NTRK3: variants seen among roughly 807,000 people sequenced by gnomAD.
The protein encoded by NTRK3 is neurotrophic receptor tyrosine kinase 3, also known as NT-3 growth factor receptor.
A neutral mutation model predicts 91.7 loss-of-function variants in NTRK3; 24 were observed. The ratio of observed to expected loss-of-function variants is 0.26; its 90% confidence interval spans 0.19 to 0.37. The LOEUF (loss-of-function observed/expected upper bound fraction) is 0.37, where lower values mean the gene tolerates loss of function less well. Among genes scored for constraint, NTRK3 ranks in the 10% least tolerant of loss-of-function variants. NTRK3 has a pLI of 1.00. For missense variants in NTRK3, 880 were observed against 1,068.9 expected, an observed-to-expected ratio of 0.82 and a Z score of 2.46; for synonymous variants, 483 against 404.0, an observed-to-expected ratio of 1.20 and a Z score of -2.34.
chr15:87,890,742 T>G (rs935165577), intron 17 of NTRK3, among the ~76,000 whole-genome samples: 1 of 152,224 alleles, frequency 6.6e-6, no homozygotes, highest in Non-Finnish European at 1.5e-5. Flanking sequence ...ATCCTTGCTT[T>G]CTGACATAAA....
intron 13 of NTRK3, among the ~76,000 whole-genome samples, chr15:88,060,519 G>A (rs1005222514): frequency 1.2e-4 from 19 of 152,082 alleles, no homozygotes; most frequent in Admixed American, 3.3e-4. Flanking sequence ...GGGGGCTAGC[G>A]TGACTGAGGG....
At chr15:88,133,034 A>G (rs1300278807) in intron 10 of NTRK3, among the ~76,000 whole-genome samples, 1 of 152,140 alleles carries the variant, frequency 6.6e-6, no homozygotes, top group Non-Finnish European at 1.5e-5. Context: ...TTGTTAAAAC[A>G]TAGCTGCTAG....
chr15:87,972,656 C>A (rs146480844), intron 14 of NTRK3, among the ~76,000 whole-genome samples: 4 of 152,268 alleles, frequency 2.6e-5, no homozygotes, highest in African/African-American at 9.6e-5. Flanking sequence ...TGAGAGGATC[C>A]TTTTGGTAGA....
chr15:87,979,107 C>A, intron 14 of NTRK3: 1 of 596,728 alleles, frequency 1.7e-6, no homozygotes, highest in Non-Finnish European at 3.0e-6. Flanking sequence ...CAGGAGCTGC[C>A]TCGTAGGCCG....
Position 88,254,524 on chromosome 15 carries a change from T to G in NTRK3, c.248+1382A>C, listed in dbSNP as rs192749421. ...CCTGGGCTATCCATTTCCCTCAAAC[T>G]GTCAGCTGCGAGAGCGCAAGCAGAA... is the stretch of plus-strand genomic sequence containing the variant. On this transcript the variant is annotated intron_variant, in intron 3 of 18. Coordinates refer to ENST00000394480, the Ensembl canonical transcript of NTRK3. Among the ~76,000 whole-genome samples, 26 of 152,188 alleles carry G rather than the reference T, an allele frequency of 1.7e-4. No homozygotes were observed. The East Asian group carries it at 5.1e-3, about 30-fold the overall frequency.
intron 15 of NTRK3, among the ~76,000 whole-genome samples, chr15:87,938,557 T>A (rs1302246493): frequency 6.6e-6 from 1 of 152,144 alleles, no homozygotes; most frequent in East Asian, 1.9e-4. Flanking sequence ...GAAATCCTTT[T>A]AAAAGGATGG....
chr15:87,991,765 C>G (rs1251840692), intron 14 of NTRK3, among the ~76,000 whole-genome samples: 1 of 152,098 alleles, frequency 6.6e-6, no homozygotes, highest in Admixed American at 6.6e-5. Flanking sequence ...ATCTCATGAA[C>G]ACATTCTTTA....
intron 13 of NTRK3, among the ~76,000 whole-genome samples, chr15:88,101,145 A>G: frequency 6.6e-6 from 1 of 152,254 alleles, no homozygotes; most frequent in East Asian, 1.9e-4. Flanking sequence ...TCCAGAATCT[A>G]TAATGAACTC....
rs549903058 is a variant in NTRK3 at position 88,110,823 on chromosome 15, A to G, written c.1396+15448T>C. On this transcript the variant is annotated intron_variant, in intron 13 of 18. Transcript: ENST00000394480. ...CATTTCAGAACCAGGAGTCTACTAC[A>G]GAACCCAATTTTCATTTCAAAGTCC... Among the ~76,000 whole-genome samples the G allele has an allele frequency of 5.9e-5, 9 of 152,334 alleles. No homozygotes were observed. The East Asian group carries it at 9.7e-4, about 16-fold the overall frequency.
chr15:88,235,284 C>T lies in NTRK3; in HGVS notation c.248+20622G>A, dbSNP rs1287002606. 1.3e-5 allele frequency among the ~76,000 whole-genome samples: 2 copies of T among 152,186 alleles called. No homozygotes were observed. Among genetic ancestry groups the T allele is most frequent in the Non-Finnish European group, 2.9e-5 (2 of 68,030 alleles). ...CAACATGAATGAGTAAGGCCTGTGT[C>T]GCTGTCTACCCTACCCACAATAGCC... On this transcript the variant is annotated intron_variant, in intron 3 of 18. Transcript: ENST00000394480. The surrounding 1 kb of genome is among the most constrained non-coding windows in gnomAD (Gnocchi z 5.2).
chr15:88,016,906 A>G (rs1483860151), intron 14 of NTRK3, among the ~76,000 whole-genome samples: 1 of 145,754 alleles, frequency 6.9e-6, no homozygotes, highest in Non-Finnish European at 1.5e-5. Context: ...TATCCCAGGG[A>G]AGGGGAATAT....
At chr15:87,972,197 C>T (rs2073315668) in intron 14 of NTRK3, among the ~76,000 whole-genome samples, 2 of 152,274 alleles carry the variant, frequency 1.3e-5, no homozygotes, top group African/African-American at 2.4e-5. Context: ...CAGAGCTAGG[C>T]TTCATTGAGC....
chr15:87,927,038 A>C (rs1008777058), intron 17 of NTRK3: 2 of 152,222 alleles, frequency 1.3e-5, no homozygotes, highest in African/African-American at 4.8e-5. Flanking sequence ...ATGAATAAAA[A>C]ATATGGTCTA....
rs79717379 is a variant in NTRK3 at position 87,886,024 on chromosome 15, G to A, written c.2134-5596C>T. ...CAAATTAGTTAGGAAAAGCAACCCA[G>A]CAGAAAAATGAATACAGGGTAAGAA... is the stretch of plus-strand genomic sequence containing the variant. On this transcript the variant is annotated intron_variant, in intron 17 of 18. Transcript: ENST00000394480. 5.6e-3 allele frequency among the ~76,000 whole-genome samples: 856 copies of A among 152,062 alleles called. 12 individuals carry two copies. The highest frequency in any genetic ancestry group is 0.033 in the East Asian group (170 of 5,172).
At chr15:87,872,021 CA>C in exon 19 of NTRK3, 2 of 221,404 alleles carry the variant, frequency 9.0e-6, no homozygotes, top group Non-Finnish European at 9.0e-6. Context: ...CTTCAGGAGC[CA>C]AAAACACAGT....
intron 17 of NTRK3, among the ~76,000 whole-genome samples, chr15:87,882,544 T>A (rs2065310276): frequency 6.6e-6 from 1 of 152,100 alleles, no homozygotes; most frequent in South Asian, 2.1e-4. Flanking sequence ...ATACTAATAA[T>A]GCTATTAGTA....
At chr15:87,910,832 T>C (rs1351297705) in intron 17 of NTRK3, among the ~76,000 whole-genome samples, 3 of 152,080 alleles carry the variant, frequency 2.0e-5, no homozygotes, top group African/African-American at 7.2e-5. Flanking sequence ...AAGGGTAAAT[T>C]ATTAATAATG....
intron 14 of NTRK3, among the ~76,000 whole-genome samples, chr15:87,988,267 AG>A (rs1451628706): frequency 1.3e-5 from 2 of 152,352 alleles, no homozygotes; most frequent in East Asian, 3.9e-4. Flanking sequence ...CTGACCATCA[AG>A]GTAATCAAGG....
At chr15:88,197,603 G>A (rs2047944663) in intron 3 of NTRK3, among the ~76,000 whole-genome samples, 1 of 152,180 alleles carries the variant, frequency 6.6e-6, no homozygotes, top group Non-Finnish European at 1.5e-5. Context: ...TGTTTCCCGT[G>A]TCCAAACCAT....
Sources: gnomAD v4.1 joint callset for allele counts (sites outside exome capture counted in the v4.1 genomes callset) on GRCh38, gnomAD v4.1.1 for gene constraint, Gnocchi (gnomAD v3.1) non-coding constraint, MANE v1.5 for transcripts, NCBI Gene and HGNC (gene_info 2026-07-23, HGNC 2026-07-21) for gene names.